The following CACNA2D3 variants were observed in gnomAD, a reference collection of about 807,000 sequenced individuals.
CACNA2D3 encodes calcium voltage-gated channel auxiliary subunit alpha2delta 3.
Under a neutral mutation model 160.6 loss-of-function variants are expected in CACNA2D3, and 60 were observed. That is an observed-to-expected ratio of 0.37 (90% CI 0.30 to 0.46). The LOEUF is 0.46. Among genes scored for constraint, CACNA2D3 ranks in the 20% least tolerant of loss-of-function variants. The pLI, the probability that CACNA2D3 is intolerant of heterozygous loss-of-function variation, is 1.00. For missense variants in CACNA2D3, 1,205 were observed against 1,365.0 expected (o/e 0.88, Z 1.85); for synonymous variants, 558 against 492.9 (o/e 1.13, Z -1.75).
At chr3:54,361,359 A>G (rs910686041) in intron 3 of CACNA2D3, among the ~76,000 whole-genome samples, 1 of 152,186 alleles carries the variant, frequency 6.6e-6, no homozygotes, top group Non-Finnish European at 1.5e-5. Context: ...TAACATTGCC[A>G]GCATGATCTG....
At chr3:54,985,874 T>C (rs1702602808) in intron 30 of CACNA2D3, among the ~76,000 whole-genome samples, 3 of 152,184 alleles carry the variant, frequency 2.0e-5, no homozygotes, top group African/African-American at 7.2e-5. Flanking sequence ...TTGGTTGCGC[T>C]ATTGAGACTC....
chr3:54,741,578 A>G (rs1701650061), intron 11 of CACNA2D3, among the ~76,000 whole-genome samples: 5 of 144,436 alleles, frequency 3.5e-5, no homozygotes. Flanking sequence ...CCCCATCTAA[A>G]GAAAAAAAAA....
chr3:54,990,318 G>T (rs973204505), intron 31 of CACNA2D3, among the ~76,000 whole-genome samples: 28 of 152,204 alleles, frequency 1.8e-4, no homozygotes, highest in African/African-American at 6.3e-4. Flanking sequence ...GTCACTTGAG[G>T]TCAGGAGTTC....
intron 13 of CACNA2D3, among the ~76,000 whole-genome samples, chr3:54,788,595 A>C (rs1409694636): frequency 6.6e-6 from 1 of 152,200 alleles, no homozygotes; most frequent in Non-Finnish European, 1.5e-5. Flanking sequence ...ATCAGTGACC[A>C]CACCCCAGAA....
At chr3:54,661,843 TGTATGTGTGTGTGTG>T (rs1699978722) in intron 11 of CACNA2D3, among the ~76,000 whole-genome samples, 1 of 17,916 alleles carries the variant, frequency 5.6e-5, no homozygotes, top group Non-Finnish European at 1.7e-4. Flanking sequence ...CAGGGATGTG[TGTATGTGTGTGTGTG>T]TGTGTGTGTG....
intron 2 of CACNA2D3, among the ~76,000 whole-genome samples, chr3:54,225,208 G>A (rs992181908): frequency 3.3e-5 from 5 of 151,994 alleles, no homozygotes; most frequent in Admixed American, 3.3e-4. Context: ...GCGGTGTTTG[G>A]TTTTTTGTCC....
chr3:54,762,963 C>T (rs1185426968), intron 12 of CACNA2D3, among the ~76,000 whole-genome samples: 1 of 151,988 alleles, frequency 6.6e-6, no homozygotes, highest in African/African-American at 2.4e-5. Context: ...TGGCGGGTGC[C>T]TGTAGTCCCA....
rs550714881 is a variant in CACNA2D3 at position 54,811,796 on chromosome 3, C to T, written c.1381-5057C>T. Reference sequence around the variant, plus strand: ...GAGCACAGGCATGAGCCACCATGCCCGGCCTCTGTCAGTTCTTATCTAGAC... The same window carrying T: ...GAGCACAGGCATGAGCCACCATGCCTGGCCTCTGTCAGTTCTTATCTAGAC... On this transcript the variant is annotated intron_variant, in intron 13 of 37. Coordinates refer to ENST00000474759, the MANE Select transcript of CACNA2D3 (RefSeq NM_018398.3). Among the ~76,000 whole-genome samples, 232 of 152,228 alleles carry T rather than the reference C, an allele frequency of 1.5e-3. 2 individuals are homozygous for T. The highest frequency in any genetic ancestry group is 5.2e-3 in the African/African-American group (215 of 41,542).
At chr3:54,642,884 G>T (rs1157742460) in intron 11 of CACNA2D3, among the ~76,000 whole-genome samples, 4 of 152,136 alleles carry the variant, frequency 2.6e-5, no homozygotes, top group African/African-American at 9.7e-5. Context: ...TCCCTGGGGA[G>T]ATCTTTAAAA....
chr3:54,818,548 A>G (rs1056109937), intron 14 of CACNA2D3, among the ~76,000 whole-genome samples: 4 of 152,246 alleles, frequency 2.6e-5, no homozygotes, highest in African/African-American at 7.2e-5. Flanking sequence ...GCTGGGCTAT[A>G]TAATACTTCA....
At chr3:54,122,925 G>C in intron 1 of CACNA2D3, 90 bp downstream of exon 1, 1 of 1,130,640 alleles carries the variant, frequency 8.8e-7, no homozygotes, top group Non-Finnish European at 1.1e-6. Context: ...GGTGCGGCTG[G>C]GCAGGACCCG....
Position 54,871,586 on chromosome 3 carries a change from C to A in CACNA2D3, c.1674C>A (p.Asp558Glu). 6.2e-7 allele frequency: 1 copy of A among 1,613,610 alleles called. No homozygotes were observed. The highest frequency in any genetic ancestry group is 2.2e-5 in the East Asian group (1 of 44,860). ...KRRKPNYSSV[D>E]LSEVEWEDRD... Reference sequence around the variant, plus strand: ...GGAAACCTAACTATAGTAGCGTTGACCTCTCTGAGGTGGAGTGGGAAGACC... The same window carrying A: ...GGAAACCTAACTATAGTAGCGTTGAACTCTCTGAGGTGGAGTGGGAAGACC... Residue 558 changes from aspartate (D) to glutamate (E), a missense_variant, in exon 18 of 38, where the codon GAC becomes GAA. Coordinates refer to ENST00000474759, the MANE Select transcript of CACNA2D3 (RefSeq NM_018398.3).
rs181626217 is a variant in CACNA2D3 at position 54,630,659 on chromosome 3, A to G, written c.1053+2783A>G. ...GTAGAAGTTACAGCTCACCAACCAC[A>G]TTTTGGGGCATAATATTGTATGCTC... On this transcript the variant is annotated intron_variant, in intron 10 of 37. Coordinates refer to ENST00000474759, the MANE Select transcript of CACNA2D3 (RefSeq NM_018398.3). Among the ~76,000 whole-genome samples, 73 of 152,314 alleles carry G rather than the reference A, an allele frequency of 4.8e-4. 1 individual carries two copies. Among genetic ancestry groups the G allele is most frequent in the Admixed American group, 1.2e-3 (18 of 15,302 alleles).
intron 11 of CACNA2D3, among the ~76,000 whole-genome samples, chr3:54,653,839 C>G (rs1377495719): frequency 6.6e-6 from 1 of 152,154 alleles, no homozygotes; most frequent in Non-Finnish European, 1.5e-5. Context: ...CTGCGGACCT[C>G]AGAAAGCAGG....
chr3:54,625,212 A>G (rs573558108), intron 9 of CACNA2D3, among the ~76,000 whole-genome samples: 2 of 152,340 alleles, frequency 1.3e-5, no homozygotes, highest in Admixed American at 1.3e-4. Context: ...GATTAAAGTG[A>G]GCATTCTGGA....
intron 11 of CACNA2D3, among the ~76,000 whole-genome samples, chr3:54,729,103 G>A (rs1430068647): frequency 2.0e-5 from 3 of 152,030 alleles, no homozygotes; most frequent in Non-Finnish European, 4.4e-5. Flanking sequence ...CTAGATTGCT[G>A]TTTCCTGTTT....
intron 25 of CACNA2D3, among the ~76,000 whole-genome samples, chr3:54,895,616 G>C (rs1700170868): frequency 6.6e-6 from 1 of 152,168 alleles, no homozygotes; most frequent in African/African-American, 2.4e-5. Context: ...CCAACTCTCT[G>C]CTGCAAACTG....
chr3:54,627,367 T>C (rs1699144238), intron 9 of CACNA2D3, among the ~76,000 whole-genome samples: 1 of 151,704 alleles, frequency 6.6e-6, no homozygotes, highest in South Asian at 2.1e-4. Flanking sequence ...ATGTGAAAAG[T>C]GGGTGGGAGA....
intron 12 of CACNA2D3, among the ~76,000 whole-genome samples, chr3:54,757,712 A>T (rs545621831): frequency 3.3e-5 from 5 of 152,362 alleles, no homozygotes; most frequent in African/African-American, 1.2e-4. Context: ...GGCATAGAAC[A>T]GAGTACATCT....
Sources: allele counts gnomAD v4.1 joint callset (sites outside exome capture counted in the v4.1 genomes callset), GRCh38; gene constraint gnomAD v4.1.1; transcripts MANE v1.5; gene names NCBI Gene and HGNC (gene_info 2026-07-23, HGNC 2026-07-21).